UQCRC1: variants seen among roughly 807,000 people sequenced by gnomAD.
UQCRC1 encodes ubiquinol-cytochrome c reductase core protein 1, also known as cytochrome b-c1 complex subunit 1, mitochondrial.
A neutral mutation model predicts 58.0 loss-of-function variants in UQCRC1; 34 were observed. That is an observed-to-expected ratio of 0.59 (90% CI 0.45 to 0.78). The LOEUF is 0.78. UQCRC1 is among the 30% of genes least tolerant of loss of function. The pLI is 0.00. For missense variants in UQCRC1, 610 were observed against 646.0 expected, an observed-to-expected ratio of 0.94 and a Z score of 0.60; for synonymous variants, 276 against 248.8, an observed-to-expected ratio of 1.11 and a Z score of -1.03.
intron 7 of UQCRC1, 106 bp from the exon 8 acceptor site, chr3:48,601,224 G>A (rs2046362602): frequency 1.3e-6 from 2 of 1,532,634 alleles, no homozygotes; most frequent in Non-Finnish European, 1.8e-6. Flanking sequence ...GTGTGCCTGT[G>A]ATGCAGCAGC....
At position 48,603,742 on chromosome 3, in the gene UQCRC1, T is replaced by C. The variant is rs975832664; in HGVS notation, c.627-99A>G. ...CTGAGGAGGCAGACTAGGAGAGGCA[T>C]GGTTTCTCCGAAGAGTGGGCCCTAG... is the stretch of plus-strand genomic sequence containing the variant. On this transcript the variant is annotated intron_variant, in intron 5 of 12. Coordinates refer to ENST00000203407, the MANE Select transcript of UQCRC1 (RefSeq NM_003365.3). The C allele has an allele frequency of 2.6e-5, 29 of 1,136,090 alleles. No individual in the cohort carries two copies. The African/African-American group carries it at 2.9e-4, about 11-fold the overall frequency. The allele number at this position is 1,136,090 out of a possible 1,614,324, so 70.4% of individuals were successfully genotyped here. A position where few individuals can be genotyped will look rare whatever the true frequency, so the allele number is the denominator to read the frequency against.
chr3:48,606,626 A>G (rs572777397), intron 2 of UQCRC1, among the ~76,000 whole-genome samples: 2 of 152,168 alleles, frequency 1.3e-5, no homozygotes, highest in South Asian at 4.2e-4. Context: ...ACGTGCCTGT[A>G]GTCCTAGCTA....
intron 2 of UQCRC1, 40 bp downstream of exon 2, chr3:48,609,122 C>G (rs781498162): frequency 2.5e-6 from 4 of 1,575,346 alleles, no homozygotes; most frequent in Non-Finnish European, 3.5e-6. Flanking sequence ...ACGGCAGGCC[C>G]AACCTGGAGG....
Position 48,600,712 on chromosome 3 carries a change from G to A in UQCRC1, c.1095C>T (p.Ile365=), listed in dbSNP as rs769510254. ...GAHFVCDRMK[I]DDMMFVLQGQ... Reference sequence around the variant, plus strand: ...CTTGCAGGACGAACATCATGTCATCGATTTTCATTCGGTCACAGACAAAGT... The same window carrying A: ...CTTGCAGGACGAACATCATGTCATCAATTTTCATTCGGTCACAGACAAAGT... Residue 365 remains isoleucine (I), a synonymous_variant, in exon 9 of 13, where the codon ATC becomes ATT. Coordinates refer to ENST00000203407, the MANE Select transcript of UQCRC1 (RefSeq NM_003365.3). The A allele has an allele frequency of 1.4e-5, 23 of 1,614,040 alleles. No homozygotes were observed. Among genetic ancestry groups the A allele is most frequent in the African/African-American group, 5.3e-5 (4 of 74,922 alleles).
intron 6 of UQCRC1, among the ~76,000 whole-genome samples, chr3:48,602,419 C>T (rs2046374578): frequency 6.6e-6 from 1 of 152,056 alleles, no homozygotes; most frequent in Non-Finnish European, 1.5e-5. Flanking sequence ...CGTCAGATTG[C>T]TCTTGCCCCC....
In UQCRC1 at chr3:48,609,290, G is replaced by GCAAGGCCCA; in HGVS notation, c.81_82insTGGGCCTTG (p.Leu27_Arg28insTrpAlaLeu). On this transcript the variant is annotated inframe_insertion, in exon 2 of 13. Coordinates refer to ENST00000203407, the MANE Select transcript of UQCRC1 (RefSeq NM_003365.3). ...GCCGTACTCCGCAAGGCTGGCGTCC[G>GCAAGGCCCA]CAGCAGGGCCGGCTGTGGAAGGGAA... 6.2e-7 allele frequency: 1 copy of GCAAGGCCCA among 1,608,946 alleles called. No homozygotes were observed. The highest frequency in any genetic ancestry group is 8.5e-7 in the Non-Finnish European group (1 of 1,176,946).
chr3:48,607,356 T>C (rs550283889), intron 2 of UQCRC1, among the ~76,000 whole-genome samples: 36 of 152,280 alleles, frequency 2.4e-4, no homozygotes, highest in African/African-American at 7.7e-4. Flanking sequence ...TTTGTATTTT[T>C]AGTAGAGGCG....
intron 2 of UQCRC1, 140 bp from the exon 3 acceptor site, chr3:48,605,996 C>T (rs1476206435): frequency 2.7e-6 from 2 of 750,834 alleles, no homozygotes; most frequent in Non-Finnish European, 4.2e-6. Flanking sequence ...CCAGCAGGAC[C>T]CCTGTGCTTG....
rs145869559 is a variant in UQCRC1 at position 48,601,007 on chromosome 3, C to G, written c.934G>C (p.Gly312Arg). 1 of 1,607,486 alleles carries G rather than the reference C, an allele frequency of 6.2e-7. No individual in the cohort carries two copies. ...CCACCATAAGTGCAGTCATAGTGGC[C>G]GATGATGGCATTGGCCACTTGCAAG... is the stretch of plus-strand genomic sequence containing the variant. ...VALQVANAIIGHYDCTYGGGV... is the reference protein window; with the variant it reads ...VALQVANAIIRHYDCTYGGGV... The change falls in exon 8 of 13, where the codon GGC becomes CGC. Residue 312 changes from glycine to arginine, a missense_variant. Physicochemically the swap from Gly to Arg is moderately radical, Grantham distance 125. Transcript: ENST00000203407.
rs568032925 is a variant in UQCRC1 at position 48,599,409 on chromosome 3, C to G, written c.1379-217G>C. 1.0e-5 allele frequency: 7 copies of G among 690,442 alleles called. No individual in the cohort carries two copies. In the South Asian group the frequency reaches 1.3e-4, roughly 13 times the overall value. 42.8% of individuals were successfully genotyped at this position (690,442 alleles called of 1,614,324 possible). A position where few individuals can be genotyped will look rare whatever the true frequency, so the allele number is the denominator to read the frequency against. The stretch of plus-strand genomic sequence containing the variant: ...CCACATGGAGGTGCCCGTTACCTGA[C>G]GGGTGCAGGGTATTGATGAAGGCAC... On this transcript the variant is annotated intron_variant, in intron 12 of 12. Coordinates refer to ENST00000203407, the MANE Select transcript of UQCRC1 (RefSeq NM_003365.3).
At chr3:48,607,920 G>C (rs765156766) in intron 2 of UQCRC1, among the ~76,000 whole-genome samples, 19 of 152,146 alleles carry the variant, frequency 1.2e-4, no homozygotes, top group Non-Finnish European at 2.4e-4. Flanking sequence ...TGCCTCCCGG[G>C]TTCAAGCGAT....
At position 48,609,313 on chromosome 3, in the gene UQCRC1, G is replaced by A. The variant is rs1372392014; in HGVS notation, c.70-11C>T. On this transcript the variant is annotated splice_polypyrimidine_tract_variant and intron_variant, in intron 1 of 12. Transcript: ENST00000203407. Reference sequence around the variant, plus strand: ...CCGCAGCAGGGCCGGCTGTGGAAGGGAACAGCCGCGAGTGAGGACTCGGTC... The same window carrying A: ...CCGCAGCAGGGCCGGCTGTGGAAGGAAACAGCCGCGAGTGAGGACTCGGTC... 4 of 1,599,566 alleles carry A rather than the reference G, an allele frequency of 2.5e-6. No individual in the cohort carries two copies. The highest frequency in any genetic ancestry group is 2.2e-5 in the South Asian group (2 of 90,494).
Position 48,601,478 on chromosome 3 carries a change from A to G in UQCRC1, c.707-11T>C, listed in dbSNP as rs779332417. 5.0e-6 allele frequency: 8 copies of G among 1,612,798 alleles called. No homozygotes were observed. Among genetic ancestry groups the G allele is most frequent in the East Asian group, 4.5e-5 (2 of 44,852 alleles). Reference sequence around the variant, plus strand: ...GCTGGTGCTCCACTCCTGCTGAGACAGACAGTGGCATTACTGACCAGCCAG... The same window carrying G: ...GCTGGTGCTCCACTCCTGCTGAGACGGACAGTGGCATTACTGACCAGCCAG... On this transcript the variant is annotated splice_polypyrimidine_tract_variant and intron_variant, in intron 6 of 12. Coordinates refer to ENST00000203407, the MANE Select transcript of UQCRC1 (RefSeq NM_003365.3).
chr3:48,606,252 G>A (rs934887975), intron 2 of UQCRC1, among the ~76,000 whole-genome samples: 37 of 152,170 alleles, frequency 2.4e-4, no homozygotes, highest in African/African-American at 8.0e-4. Context: ...ATTACACGCT[G>A]CCTTTGTTCT....
intron 5 of UQCRC1, 34 bp downstream of exon 5, chr3:48,604,199 C>G (rs1331815562): frequency 1.2e-6 from 2 of 1,608,492 alleles, no homozygotes; most frequent in Non-Finnish European, 1.7e-6. Context: ...CAGAATGGAG[C>G]AAGCATCCCC....
intron 12 of UQCRC1, 28 bp from the exon 13 acceptor site, chr3:48,599,220 T>G (rs1188044585): frequency 2.5e-6 from 4 of 1,574,800 alleles, no homozygotes; most frequent in Non-Finnish European, 3.5e-6. Flanking sequence ...AGCGTCAGGG[T>G]GGGGTACCTG....
intron 12 of UQCRC1, 51 bp from the exon 13 acceptor site, chr3:48,599,243 A>C (rs755207376): frequency 2.6e-6 from 4 of 1,539,756 alleles, no homozygotes; most frequent in Non-Finnish European, 3.5e-6. Context: ...CTGCACAGGG[A>C]CACCTGGCCC....
At chr3:48,599,504 G>A (rs762562287) in intron 12 of UQCRC1, 131 bp downstream of exon 12, 58 of 997,008 alleles carry the variant, frequency 5.8e-5, no homozygotes, top group Middle Eastern at 4.2e-4. Context: ...CCAGGGGACT[G>A]GGGAGAGCTG....
intron 12 of UQCRC1, 116 bp downstream of exon 12, chr3:48,599,519 G>A (rs2046342241): frequency 8.7e-7 from 1 of 1,151,180 alleles, no homozygotes; most frequent in East Asian, 2.5e-5. Context: ...GAGCTGCTTG[G>A]GGCCTTAACT....
Sources: gnomAD v4.1 joint callset for allele counts (sites outside exome capture counted in the v4.1 genomes callset) on GRCh38, gnomAD v4.1.1 for gene constraint, MANE v1.5 for transcripts, NCBI Gene and HGNC (gene_info 2026-07-23, HGNC 2026-07-21) for gene names.